Variants in SLC24A2 observed in about 807,000 individuals in gnomAD.
The protein encoded by SLC24A2 is solute carrier family 24 member 2.
A neutral mutation model predicts 62.0 loss-of-function variants in SLC24A2; 36 were observed. The observed-to-expected ratio is 0.58, with a 90% CI of 0.44 to 0.77. SLC24A2 has a LOEUF of 0.77. Among genes scored for constraint, SLC24A2 ranks in the 30% least tolerant of loss-of-function variants. SLC24A2 has a pLI of 0.00. For synonymous variants in SLC24A2, 358 were observed against 294.0 expected (o/e 1.22, Z -2.23); for missense variants, 846 against 817.9 (o/e 1.03, Z -0.42).
the SLC24A2 span, among the ~76,000 whole-genome samples, chr9:20,214,278 G>A: frequency 6.6e-6 from 1 of 152,038 alleles, no homozygotes; most frequent in African/African-American, 2.4e-5. Context: ...GTGAAGATCT[G>A]CTGTACTATA....
the SLC24A2 span, among the ~76,000 whole-genome samples, chr9:20,002,179 C>T: frequency 2.6e-5 from 4 of 152,214 alleles, no homozygotes; most frequent in East Asian, 3.9e-4. Flanking sequence ...ATTTCAACAT[C>T]GGAAGAGTAA....
the SLC24A2 span, among the ~76,000 whole-genome samples, chr9:20,033,575 G>A: frequency 2.0e-5 from 3 of 152,186 alleles, no homozygotes; most frequent in Non-Finnish European, 4.4e-5. Context: ...CTGAATAATT[G>A]CTAAAGAAAT....
intron 2 of SLC24A2, among the ~76,000 whole-genome samples, chr9:19,774,761 T>C (rs893333921): frequency 6.6e-6 from 1 of 152,138 alleles, no homozygotes; most frequent in Admixed American, 6.5e-5. Flanking sequence ...GTCCTGTAGA[T>C]GGGTAAAGAA....
the SLC24A2 span, among the ~76,000 whole-genome samples, chr9:19,875,221 C>T: frequency 0.07 from 10,617 of 152,174 alleles, 490 homozygotes; most frequent in African/African-American, 0.13. Context: ...CCTCCTGATG[C>T]TTCAATCAAC....
the SLC24A2 span, among the ~76,000 whole-genome samples, chr9:19,885,923 C>T: frequency 0.41 from 61,743 of 151,694 alleles, 13,114 homozygotes; most frequent in East Asian, 0.84. Flanking sequence ...GTAAAGGACA[C>T]AATCTCATTC....
intron 8 of SLC24A2, among the ~76,000 whole-genome samples, chr9:19,535,374 A>T (rs1307549223): frequency 2.6e-5 from 4 of 152,156 alleles, no homozygotes; most frequent in Admixed American, 2.6e-4. Context: ...CCAGTTGCCA[A>T]TTTTGGCTTT....
At chr9:19,549,578 G>A (rs1271550240) in intron 8 of SLC24A2, among the ~76,000 whole-genome samples, 1 of 152,184 alleles carries the variant, frequency 6.6e-6, no homozygotes, top group Admixed American at 6.5e-5. Flanking sequence ...CTGTGAGGAA[G>A]CCCAAGTCAC....
chr9:20,080,619 T>G, the SLC24A2 span, among the ~76,000 whole-genome samples: 2 of 152,032 alleles, frequency 1.3e-5, no homozygotes, highest in African/African-American at 2.4e-5. Context: ...AAGCCAAAAT[T>G]GACAAATGGG....
chr9:20,142,375 C>A, the SLC24A2 span, among the ~76,000 whole-genome samples: 35 of 152,024 alleles, frequency 2.3e-4, no homozygotes, highest in African/African-American at 2.4e-5. Flanking sequence ...ATTTGCCTCC[C>A]AAAGCCTGTT....
intron 8 of SLC24A2, among the ~76,000 whole-genome samples, chr9:19,541,582 T>C (rs1460415310): frequency 6.9e-6 from 1 of 144,456 alleles, no homozygotes; most frequent in African/African-American, 2.7e-5. Flanking sequence ...TCCAGCTGCG[T>C]GCTGGGAGAA....
chr9:19,532,787 C>A (rs1216997274), intron 8 of SLC24A2, among the ~76,000 whole-genome samples: 1 of 152,198 alleles, frequency 6.6e-6, no homozygotes, highest in Non-Finnish European at 1.5e-5. Context: ...CTTGATGAAT[C>A]AATGAATAAT....
At chr9:19,556,284 C>T (rs930236333) in intron 7 of SLC24A2, among the ~76,000 whole-genome samples, 1 of 152,208 alleles carries the variant, frequency 6.6e-6, no homozygotes, top group Admixed American at 6.5e-5. Flanking sequence ...CCCAAATAAA[C>T]ATCAGGTCTT....
the SLC24A2 span, among the ~76,000 whole-genome samples, chr9:20,303,773 C>T: frequency 6.6e-6 from 1 of 152,160 alleles, no homozygotes; most frequent in Non-Finnish European, 1.5e-5. Flanking sequence ...AATAGAGACA[C>T]AGGCAATGCT....
the SLC24A2 span, among the ~76,000 whole-genome samples, chr9:20,160,134 G>C: frequency 2.0e-5 from 3 of 151,256 alleles, no homozygotes; most frequent in Non-Finnish European, 3.0e-5. Flanking sequence ...AGAAAGCTGA[G>C]GTTGCAATCT....
chr9:19,825,419 A>G, the SLC24A2 span, among the ~76,000 whole-genome samples: 2 of 152,140 alleles, frequency 1.3e-5, no homozygotes, highest in African/African-American at 2.4e-5. Flanking sequence ...AGGAACTTAT[A>G]TCTACTCTGG....
chr9:19,868,277 G>T, the SLC24A2 span, among the ~76,000 whole-genome samples: 3 of 151,710 alleles, frequency 2.0e-5, no homozygotes, highest in Non-Finnish European at 4.4e-5. Context: ...GAGGCTTATT[G>T]TTTATTTTCA....
chr9:19,525,064 T>C (rs370344770), intron 9 of SLC24A2, among the ~76,000 whole-genome samples: 58 of 152,330 alleles, frequency 3.8e-4, no homozygotes, highest in African/African-American at 1.4e-3. Flanking sequence ...TCTGCTGTGA[T>C]TTCTGCCAGG....
chr9:19,731,014 A>T (rs1027949417), intron 2 of SLC24A2, among the ~76,000 whole-genome samples: 1 of 152,152 alleles, frequency 6.6e-6, no homozygotes, highest in Non-Finnish European at 1.5e-5. Context: ...TTCAAATGCT[A>T]AGTGATAATT....
chr9:19,575,685 C>T (rs939952537), intron 6 of SLC24A2, among the ~76,000 whole-genome samples: 1 of 152,170 alleles, frequency 6.6e-6, no homozygotes, highest in African/African-American at 2.4e-5. Flanking sequence ...TGTCCTACCT[C>T]CTTAAAAAAG....
Sources: allele counts gnomAD v4.1 joint callset (sites outside exome capture counted in the v4.1 genomes callset), GRCh38; gene constraint gnomAD v4.1.1; transcripts MANE v1.5; gene names NCBI Gene and HGNC (gene_info 2026-07-23, HGNC 2026-07-21).